Variants in ZNF623 observed in about 807,000 individuals in gnomAD.
The protein encoded by ZNF623 is zinc finger protein 623.
ZNF623 carries 16 observed loss-of-function variants against 24.0 expected under a neutral mutation model. That is an observed-to-expected ratio of 0.67 (90% confidence interval 0.45 to 1.01). The LOEUF (loss-of-function observed/expected upper bound fraction) is 1.01. Among genes scored for constraint, ZNF623 ranks in the 50% least tolerant of loss-of-function variants. ZNF623 has a pLI of 0.00. For synonymous variants in ZNF623, 224 were observed against 219.8 expected (o/e 1.02, Z -0.17); for missense variants, 566 against 606.5 (o/e 0.93, Z 0.70).
chr8:143,636,078 CGCGCCG>C lies in ZNF623; in HGVS notation c.-159_-154del, dbSNP rs1212491135. ...GCTTTGTCGGCTGATCTGTGGGGCC[CGCGCCG>C]GCGGGGTCCAGTCAGCGGCTGCAGG... On this transcript the variant is annotated 5_prime_UTR_variant, in exon 1 of 2. Transcript: ENST00000526926. 1 of 152,262 alleles carries C rather than the reference CGCGCCG, an allele frequency of 6.6e-6. No homozygotes were observed. The highest frequency in any genetic ancestry group is 1.5e-5 in the Non-Finnish European group (1 of 68,104). 9.4% of individuals were successfully genotyped at this position (152,262 alleles called of 1,614,324 possible).
In ZNF623 at chr8:143,651,531, T is replaced by G; in HGVS notation, c.*48T>G. ...GAGTGATGTTTGGAAATGCGTGGAA[T>G]TAGGATTCATGTGGTTTCTAAGATT... On this transcript the variant is annotated 3_prime_UTR_variant, in exon 2 of 2. Transcript: ENST00000526926. 6.6e-7 allele frequency: 1 copy of G among 1,523,458 alleles called. No homozygotes were observed. The highest frequency in any genetic ancestry group is 1.4e-5 in the African/African-American group (1 of 71,858). 94.4% of individuals were successfully genotyped at this position (1,523,458 alleles called of 1,614,324 possible). A position where few individuals can be genotyped will look rare whatever the true frequency, so the allele number is the denominator to read the frequency against.
chr8:143,648,055 A>G (rs1408520218), intron 1 of ZNF623, among the ~76,000 whole-genome samples: 2 of 152,216 alleles, frequency 1.3e-5, no homozygotes, highest in African/African-American at 2.4e-5. Context: ...AGAGCATCCA[A>G]ATGAAGGTGT....
chr8:143,640,405 A>G (rs1404905470), intron 1 of ZNF623, among the ~76,000 whole-genome samples: 1 of 152,202 alleles, frequency 6.6e-6, no homozygotes, highest in African/African-American at 2.4e-5. Context: ...AGTTTGTCAC[A>G]TCAGTGGAAT....
chr8:143,641,765 G>A lies in ZNF623; in HGVS notation c.-96+5620G>A, dbSNP rs1237249746. ...CAGGCGTGAGCCACCGCGCCCGGCC[G>A]TGAGTAGTGTTTTGAAAGGAATCTT... On this transcript the variant is annotated intron_variant, in intron 1 of 1. Coordinates refer to ENST00000526926, the MANE Select transcript of ZNF623 (RefSeq NM_001261843.2). 4.6e-5 allele frequency among the ~76,000 whole-genome samples: 7 copies of A among 151,550 alleles called. 3 individuals are homozygous for A. Among genetic ancestry groups the A allele is most frequent in the African/African-American group, 1.7e-4 (7 of 41,304 alleles).
chr8:143,640,411 G>C (rs1452045130), intron 1 of ZNF623, among the ~76,000 whole-genome samples: 1 of 152,122 alleles, frequency 6.6e-6, no homozygotes, highest in African/African-American at 2.4e-5. Context: ...TCACATCAGT[G>C]GAATCTTGCT....
At chr8:143,639,901 C>A (rs187735601) in intron 1 of ZNF623, among the ~76,000 whole-genome samples, 195 of 152,290 alleles carry the variant, frequency 1.3e-3, no homozygotes, top group African/African-American at 4.3e-3. Context: ...TCCCTTCTCG[C>A]CTCATCTTGG....
rs1815257257 is a variant in ZNF623, at chr8:143,649,967, G to A, written c.-26G>A. The A allele has an allele frequency of 1.2e-6, 2 of 1,614,012 alleles. No individual in the cohort carries two copies. Among genetic ancestry groups the A allele is most frequent in the Admixed American group, 1.7e-5 (1 of 60,002 alleles). ...ATTTCTGAGGATGAAAACTCACATA[G>A]GACGACGTCAGACAGACTCACGGTG... is the stretch of plus-strand genomic sequence containing the variant. On this transcript the variant is annotated 5_prime_UTR_variant, in exon 2 of 2. Transcript: ENST00000526926.
chr8:143,644,394 A>G (rs2131445719), intron 1 of ZNF623, among the ~76,000 whole-genome samples: 1 of 152,128 alleles, frequency 6.6e-6, no homozygotes, highest in South Asian at 2.1e-4. Flanking sequence ...CCCCTCCCTC[A>G]TTATATTGGC....
intron 1 of ZNF623, among the ~76,000 whole-genome samples, chr8:143,637,389 C>A (rs1193363999): frequency 1.3e-5 from 2 of 152,164 alleles, no homozygotes; most frequent in Non-Finnish European, 2.9e-5. Context: ...GTGACTCTGG[C>A]TGGGAGCTTG....
chr8:143,645,265 C>T (rs1003734746), intron 1 of ZNF623, among the ~76,000 whole-genome samples: 2 of 152,048 alleles, frequency 1.3e-5, no homozygotes, highest in South Asian at 2.1e-4. Flanking sequence ...AACGGTGAAA[C>T]CCCGTCTCTC....
At position 143,651,488 on chromosome 8, in the gene ZNF623, A is replaced by G; in HGVS notation, c.*5A>G. Reference sequence around the variant, plus strand: ...GAACACACAGGTAACTTATAAAATAATTACTTTCCCGCCCAGTGAGTGATG... The same window carrying G: ...GAACACACAGGTAACTTATAAAATAGTTACTTTCCCGCCCAGTGAGTGATG... On this transcript the variant is annotated 3_prime_UTR_variant, in exon 2 of 2. Transcript: ENST00000526926. 6.5e-7 allele frequency: 1 copy of G among 1,548,874 alleles called. No individual in the cohort carries two copies. The highest frequency in any genetic ancestry group is 1.2e-5 in the South Asian group (1 of 80,258).
intron 1 of ZNF623, among the ~76,000 whole-genome samples, chr8:143,643,253 C>T (rs1478449121): frequency 1.3e-5 from 2 of 152,152 alleles, no homozygotes; most frequent in Non-Finnish European, 2.9e-5. Flanking sequence ...ACCAGTTTTC[C>T]CCAGGGCCTC....
At chr8:143,639,082 G>C (rs1814989633) in intron 1 of ZNF623, among the ~76,000 whole-genome samples, 2 of 151,998 alleles carry the variant, frequency 1.3e-5, no homozygotes, top group Non-Finnish European at 2.9e-5. Context: ...AGTAGAGATG[G>C]GGTTTTACCA....
intron 1 of ZNF623, among the ~76,000 whole-genome samples, chr8:143,642,560 C>G (rs10107353): frequency 0.47 from 72,020 of 152,070 alleles, 21,031 homozygotes; most frequent in Non-Finnish European, 0.66. Flanking sequence ...TTAGACATGC[C>G]TTCCTCACAA....
rs138111312 is a variant in ZNF623 at position 143,642,196 on chromosome 8, C to T, written c.-96+6051C>T. 9.2e-5 allele frequency among the ~76,000 whole-genome samples: 14 copies of T among 152,356 alleles called. No homozygotes were observed. In the East Asian group the frequency reaches 1.5e-3, roughly 17 times the overall value. On this transcript the variant is annotated intron_variant, in intron 1 of 1. Coordinates refer to ENST00000526926, the MANE Select transcript of ZNF623 (RefSeq NM_001261843.2). ...CCGTAAAGCTTGCAGCTTCACCTTG[C>T]ACTTCTATGTGTGGAAGTGACTTCT...
At chr8:143,643,425 G>A (rs1383776921) in intron 1 of ZNF623, among the ~76,000 whole-genome samples, 1 of 152,224 alleles carries the variant, frequency 6.6e-6, no homozygotes, top group African/African-American at 2.4e-5. Context: ...TTGGAGCAGT[G>A]GATAACTGGG....
In ZNF623 at chr8:143,653,161, A is replaced by C. The variant is rs116940361; in HGVS notation, c.*1678A>C. On this transcript the variant is annotated 3_prime_UTR_variant, in exon 2 of 2. Coordinates refer to ENST00000526926, the MANE Select transcript of ZNF623 (RefSeq NM_001261843.2). ...TTTTTGGCTAGGACTGTTCGAAAGC[A>C]GGCGAGGTAAATGGACAGTGGACAG... is the stretch of plus-strand genomic sequence containing the variant. The C allele has an allele frequency of 9.4e-3, 1,564 of 167,228 alleles. 12 individuals carry two copies. Among genetic ancestry groups the C allele is most frequent in the Non-Finnish European group, 0.017 (1,152 of 68,118 alleles). 10.4% of individuals were successfully genotyped at this position (167,228 alleles called of 1,614,324 possible).
intron 1 of ZNF623, among the ~76,000 whole-genome samples, chr8:143,644,809 C>T (rs1379686632): frequency 7.8e-6 from 1 of 128,228 alleles, no homozygotes. Context: ...TCAGCCTGTG[C>T]GAGAGAGCAA....
chr8:143,649,999 C>G lies in ZNF623; in HGVS notation c.7C>G (p.Leu3Val). Residue 3 changes from leucine (L) to valine (V), a missense_variant, in exon 2 of 2, where the codon CTC becomes GTC. Leu to Val is a conservative substitution (Grantham distance 32). This residue lies in a region of ZNF623 where 313 missense variants were observed against 300.4 expected (regional missense o/e 1.04). Coordinates refer to ENST00000526926, the MANE Select transcript of ZNF623 (RefSeq NM_001261843.2). ...GTCAGACAGACTCACGGTGATGGAGCTCCCCTCTCCCGAGTCTGAGGAAGT... is the reference window on the plus strand; with the variant it reads ...GTCAGACAGACTCACGGTGATGGAGGTCCCCTCTCCCGAGTCTGAGGAAGT... ME[L>V]PSPESEEVHE... is the part of the protein sequence containing the mutation. 1 of 1,614,192 alleles carries G rather than the reference C, an allele frequency of 6.2e-7. No homozygotes were observed. The highest frequency in any genetic ancestry group is 8.5e-7 in the Non-Finnish European group (1 of 1,180,026).
Sources: allele counts gnomAD v4.1 joint callset (sites outside exome capture counted in the v4.1 genomes callset), GRCh38; gene constraint gnomAD v4.1.1; regional missense constraint gnomAD v4.1.1; transcripts MANE v1.5; gene names NCBI Gene and HGNC (gene_info 2026-07-23, HGNC 2026-07-21).